DPY19L1: variants seen among roughly 807,000 people sequenced by gnomAD.
DPY19L1 encodes dpy-19 like C-mannosyltransferase 1.
DPY19L1 carries 35 observed loss-of-function variants against 96.9 expected under a neutral mutation model. That is an observed-to-expected ratio of 0.36 (90% CI 0.28 to 0.48). The LOEUF (loss-of-function observed/expected upper bound fraction) is 0.48. DPY19L1 is among the 20% of genes least tolerant of loss of function. The pLI, the probability that DPY19L1 is intolerant of heterozygous loss-of-function variation, is 0.99. For missense variants in DPY19L1, 521 were observed against 777.9 expected (o/e 0.67, Z 3.93); for synonymous variants, 205 against 252.6 (o/e 0.81, Z 1.79).
At chr7:34,988,838 G>C (rs1437672588) in intron 7 of DPY19L1, among the ~76,000 whole-genome samples, 1 of 151,754 alleles carries the variant, frequency 6.6e-6, no homozygotes, top group African/African-American at 2.4e-5. Context: ...ATTTATAGTA[G>C]AATTTAAACT....
chr7:35,032,210 T>C (rs148133023), intron 1 of DPY19L1, among the ~76,000 whole-genome samples: 1 of 152,326 alleles, frequency 6.6e-6, no homozygotes, highest in East Asian at 1.9e-4. Context: ...TCATTTCTTT[T>C]GCTGTACTGT....
intron 1 of DPY19L1, among the ~76,000 whole-genome samples, chr7:35,029,011 C>G (rs188078744): frequency 6.6e-6 from 1 of 152,280 alleles, no homozygotes; most frequent in Non-Finnish European, 1.5e-5. Flanking sequence ...TGGGTTTTGG[C>G]TGGCTTCTTT....
chr7:34,972,984 G>A (rs13310740), intron 8 of DPY19L1, among the ~76,000 whole-genome samples: 58 of 152,308 alleles, frequency 3.8e-4, no homozygotes, highest in Non-Finnish European at 7.2e-4. Context: ...GATCACTGAA[G>A]GGAGTTATCA....
chr7:35,019,045 C>T (rs934758343), intron 1 of DPY19L1, among the ~76,000 whole-genome samples: 2 of 151,898 alleles, frequency 1.3e-5, no homozygotes, highest in African/African-American at 4.8e-5. Flanking sequence ...TGTCTTTAAA[C>T]AAATTTAAAA....
At chr7:35,014,417 T>C (rs329229) in intron 3 of DPY19L1, among the ~76,000 whole-genome samples, 39,611 of 151,146 alleles carry the variant, frequency 0.26, 5,393 homozygotes, top group Non-Finnish European at 0.31. Flanking sequence ...AACAAGAAAA[T>C]ACTAGAAGCC....
chr7:35,037,861 G>A, upstream of DPY19L1: 1 of 1,235,966 alleles, frequency 8.1e-7, no homozygotes, highest in South Asian at 4.1e-5. Context: ...GAGGACGCGG[G>A]GGCGGACGGC....
intron 13 of DPY19L1, among the ~76,000 whole-genome samples, chr7:34,954,021 T>TA (rs1462987245): frequency 1.3e-5 from 2 of 152,102 alleles, no homozygotes; most frequent in African/African-American, 2.4e-5. Context: ...CCAATAAAAA[T>TA]ACACTATAGG....
chr7:34,999,357 C>A (rs2128674950), intron 6 of DPY19L1, among the ~76,000 whole-genome samples: 1 of 152,290 alleles, frequency 6.6e-6, no homozygotes, highest in African/African-American at 2.4e-5. Flanking sequence ...ACCAGGCAAA[C>A]CAGTAATTGA....
chr7:34,947,980 TAG>T (rs1165129915), intron 14 of DPY19L1, among the ~76,000 whole-genome samples: 7 of 152,254 alleles, frequency 4.6e-5, no homozygotes, highest in Non-Finnish European at 1.0e-4. Flanking sequence ...CTTATCTAAC[TAG>T]AGAGACCAAC....
At chr7:34,996,728 C>G (rs1047411556) in intron 6 of DPY19L1, among the ~76,000 whole-genome samples, 1 of 152,106 alleles carries the variant, frequency 6.6e-6, no homozygotes, top group Non-Finnish European at 1.5e-5. Flanking sequence ...AAGGTCAAAT[C>G]CAAACACCAA....
At chr7:34,976,834 A>C (rs1002816631) in intron 7 of DPY19L1, among the ~76,000 whole-genome samples, 33 of 152,170 alleles carry the variant, frequency 2.2e-4, no homozygotes, top group African/African-American at 7.5e-4. Context: ...CCCAGGCTGG[A>C]GTACAGCTGT....
rs189174614 is a variant in DPY19L1, at chr7:35,017,351, C to A, written c.411+531G>T. Reference sequence around the variant, plus strand: ...TACTAAAAAAATACAAAAAATTAGCCGGGCGCGGTGGCGGGCGCCTGTAGT... The same window carrying A: ...TACTAAAAAAATACAAAAAATTAGCAGGGCGCGGTGGCGGGCGCCTGTAGT... On this transcript the variant is annotated intron_variant, in intron 3 of 21. Coordinates refer to ENST00000638088, the MANE Select transcript of DPY19L1 (RefSeq NM_001366673.1). Among the ~76,000 whole-genome samples, 903 of 151,478 alleles carry A rather than the reference C, an allele frequency of 6.0e-3. 5 individuals are homozygous for A. The highest frequency in any genetic ancestry group is 7.6e-3 in the Non-Finnish European group (514 of 67,828).
At chr7:34,942,824 T>G (rs1784052706) in intron 16 of DPY19L1, among the ~76,000 whole-genome samples, 185 bp from the exon 17 acceptor site, 1 of 152,168 alleles carries the variant, frequency 6.6e-6, no homozygotes, top group South Asian at 2.1e-4. Context: ...TTAAGAAAAT[T>G]TATGAAGAAT....
intron 4 of DPY19L1, 68 bp downstream of exon 4, chr7:35,013,500 A>T (rs2128678716): frequency 8.2e-7 from 1 of 1,224,264 alleles, no homozygotes; most frequent in East Asian, 2.4e-5. Flanking sequence ...TCTTAGATTT[A>T]GAATCAGCGT....
intron 14 of DPY19L1, 133 bp from the exon 15 acceptor site, chr7:34,947,834 T>G (rs1350867639): frequency 8.7e-6 from 6 of 687,680 alleles, no homozygotes; most frequent in Non-Finnish European, 1.5e-5. Context: ...CTGACTGCCA[T>G]CATAAAAAGG....
intron 10 of DPY19L1, among the ~76,000 whole-genome samples, chr7:34,960,315 A>G (rs1784476107): frequency 1.3e-5 from 2 of 151,924 alleles, no homozygotes; most frequent in Non-Finnish European, 2.9e-5. Context: ...TGTTCCTTCC[A>G]TTTCTTTAAA....
intron 10 of DPY19L1, among the ~76,000 whole-genome samples, chr7:34,964,454 T>C (rs1784568911): frequency 6.6e-6 from 1 of 152,168 alleles, no homozygotes; most frequent in East Asian, 1.9e-4. Context: ...AAATATATAA[T>C]TACTGTCTAA....
At chr7:35,034,674 CCAGA>C (rs761866101) in intron 1 of DPY19L1, among the ~76,000 whole-genome samples, 1 of 152,100 alleles carries the variant, frequency 6.6e-6, no homozygotes, top group Non-Finnish European at 1.5e-5. Flanking sequence ...GAGGAAAGCC[CCAGA>C]CAGTTTCTAA....
chr7:34,948,447 A>G lies in DPY19L1; in HGVS notation c.1423-746T>C, dbSNP rs1649222. Among the ~76,000 whole-genome samples, 228 of 152,292 alleles carry G rather than the reference A, an allele frequency of 1.5e-3. 1 individual carries two copies. The highest frequency in any genetic ancestry group is 5.3e-3 in the African/African-American group (221 of 41,576). ...TGTATAGGTGTACCATAATTGGAACATATGTTCCCTGAACTGACAGTACTC... is the reference window on the plus strand; with the variant it reads ...TGTATAGGTGTACCATAATTGGAACGTATGTTCCCTGAACTGACAGTACTC... On this transcript the variant is annotated intron_variant, in intron 14 of 21. Coordinates refer to ENST00000638088, the MANE Select transcript of DPY19L1 (RefSeq NM_001366673.1).
Sources: gnomAD v4.1 joint callset for allele counts (sites outside exome capture counted in the v4.1 genomes callset) on GRCh38, gnomAD v4.1.1 for gene constraint, MANE v1.5 for transcripts, NCBI Gene and HGNC (gene_info 2026-07-23, HGNC 2026-07-21) for gene names.